The following GPAM variants were observed in gnomAD, a reference collection of about 807,000 sequenced individuals.
The protein encoded by GPAM is glycerol-3-phosphate acyltransferase 1, mitochondrial.
A neutral mutation model predicts 105.0 loss-of-function variants in GPAM; 56 were observed. The ratio of observed to expected loss-of-function variants is 0.53; its 90% CI spans 0.43 to 0.67. The LOEUF is 0.67. Ranked by LOEUF, GPAM falls within the 30% of genes least tolerant of loss-of-function variation. The probability of loss-of-function intolerance (pLI) is 0.00; values close to 1 mark genes in which losing one functional copy is unlikely to be tolerated. For synonymous variants in GPAM, 368 were observed against 354.4 expected (o/e 1.04, Z -0.43); for missense variants, 855 against 989.8 (o/e 0.86, Z 1.83).
intron 1 of GPAM, among the ~76,000 whole-genome samples, chr10:112,212,066 C>T (rs1436055107): frequency 6.6e-6 from 1 of 152,104 alleles, no homozygotes; most frequent in African/African-American, 2.4e-5. Context: ...CCCGTCTTGC[C>T]TAATCAGGCA....
chr10:112,207,469 T>C (rs1847864881), intron 1 of GPAM, among the ~76,000 whole-genome samples: 1 of 152,152 alleles, frequency 6.6e-6, no homozygotes, highest in African/African-American at 2.4e-5. Context: ...GAACACAGTG[T>C]CCCCTTAGAG....
Position 112,155,939 on chromosome 10 carries a change from C to T in GPAM, c.2236G>A (p.Val746Ile), listed in dbSNP as rs775588314. 2 of 1,612,394 alleles carry T rather than the reference C, an allele frequency of 1.2e-6. No individual in the cohort carries two copies. Among genetic ancestry groups the T allele is most frequent in the Non-Finnish European group, 1.7e-6 (2 of 1,178,468 alleles). ...AIFVHNFSGP[V>I]PEPEYLQKLH... The stretch of plus-strand genomic sequence containing the variant: ...TTTTGCAGATACTCAGGTTCTGGAA[C>T]AGGACCACTGAAGTTGTGAACAAAG... The change falls in exon 20 of 22, where the codon GTT (valine) becomes ATT (isoleucine). Residue 746 changes from valine to isoleucine, a missense_variant. Val to Ile is a conservative substitution (Grantham distance 29). Transcript: ENST00000348367.
In GPAM at chr10:112,179,871, C is replaced by T. The variant is rs527485945; in HGVS notation, c.225+602G>A. 2.0e-5 allele frequency among the ~76,000 whole-genome samples: 3 copies of T among 152,274 alleles called. No individual in the cohort carries two copies. In the East Asian group the frequency reaches 5.8e-4, roughly 29 times the overall value. ...CTAATTTGTCCTTCTCTTCAACTAC[C>T]ACCGAAAATATACCTCTCACCCACT... On this transcript the variant is annotated intron_variant, in intron 4 of 21. Transcript: ENST00000348367.
chr10:112,211,248 C>T (rs1368033237), intron 1 of GPAM, among the ~76,000 whole-genome samples: 2 of 152,178 alleles, frequency 1.3e-5, no homozygotes, highest in African/African-American at 2.4e-5. Context: ...AGCTTCTCTC[C>T]ACCAGCAGAA....
intron 1 of GPAM, among the ~76,000 whole-genome samples, chr10:112,210,542 G>C (rs1486177234): frequency 6.6e-6 from 1 of 152,238 alleles, no homozygotes; most frequent in Non-Finnish European, 1.5e-5. Context: ...GAAGGCAAGA[G>C]TGAGACCCCA....
intron 1 of GPAM, among the ~76,000 whole-genome samples, chr10:112,199,076 C>G (rs1223251345): frequency 6.8e-6 from 1 of 148,116 alleles, no homozygotes; most frequent in Non-Finnish European, 1.5e-5. Flanking sequence ...ACACACGCCG[C>G]CACGCCTGGC....
upstream of GPAM, among the ~76,000 whole-genome samples, chr10:112,215,936 T>A (rs1469301139): frequency 1.3e-5 from 2 of 152,142 alleles, no homozygotes; most frequent in Non-Finnish European, 2.9e-5. Flanking sequence ...GCTGCCACCC[T>A]CCCCTTTCAA....
intron 9 of GPAM, among the ~76,000 whole-genome samples, chr10:112,171,127 C>T (rs991087479): frequency 6.6e-6 from 1 of 152,168 alleles, no homozygotes; most frequent in Non-Finnish European, 1.5e-5. Context: ...ATGCTTTGTC[C>T]TTTCAGGTTT....
intron 13 of GPAM, 143 bp from the exon 14 acceptor site, chr10:112,163,959 T>C (rs758406897): frequency 1.5e-4 from 105 of 680,308 alleles, no homozygotes; most frequent in Middle Eastern, 2.8e-4. Context: ...CTATGGCTTA[T>C]TTTCCTCCAT....
chr10:112,151,825 GA>G lies in GPAM; in HGVS notation c.*1724del. The stretch of plus-strand genomic sequence containing the variant: ...CTGGGTATCCTCCAAATGTAGCCAA[GA>G]AAAGTGTTCTTCTACCCTAGTCAGT... On this transcript the variant is annotated 3_prime_UTR_variant, in exon 22 of 22. Transcript: ENST00000348367. 1 of 985,098 alleles carries G rather than the reference GA, an allele frequency of 1.0e-6. No individual in the cohort carries two copies. The highest frequency in any genetic ancestry group is 1.2e-6 in the Non-Finnish European group (1 of 829,656). The allele number at this position is 985,098 out of a possible 1,614,324, so 61.0% of individuals were successfully genotyped here.
intron 9 of GPAM, among the ~76,000 whole-genome samples, chr10:112,171,042 C>A (rs1267796684): frequency 6.6e-6 from 1 of 152,202 alleles, no homozygotes; most frequent in African/African-American, 2.4e-5. Context: ...AACCTGCCAG[C>A]CCACTTTCCT....
intron 1 of GPAM, among the ~76,000 whole-genome samples, chr10:112,194,522 T>C (rs1847700372): frequency 6.6e-6 from 1 of 152,232 alleles, no homozygotes; most frequent in Non-Finnish European, 1.5e-5. Context: ...TCTTAAAAGA[T>C]ACTGTCCAAG....
chr10:112,155,165 G>A (rs1846993716), intron 20 of GPAM: 3 of 186,690 alleles, frequency 1.6e-5, no homozygotes, highest in African/African-American at 2.4e-5. Flanking sequence ...GTGACCTGGG[G>A]TATTTTCCTC....
chr10:112,210,330 T>C (rs1275162500), intron 1 of GPAM, among the ~76,000 whole-genome samples: 1 of 152,240 alleles, frequency 6.6e-6, no homozygotes, highest in Non-Finnish European at 1.5e-5. Flanking sequence ...CAACTCTCTA[T>C]GACTCCACCA....
At chr10:112,204,747 A>C (rs1847840418) in intron 1 of GPAM, among the ~76,000 whole-genome samples, 1 of 151,272 alleles carries the variant, frequency 6.6e-6, no homozygotes. Flanking sequence ...TTCCCTTTGA[A>C]AACTGGCACA....
chr10:112,168,125 A>G (rs1847249964), intron 11 of GPAM, among the ~76,000 whole-genome samples, 187 bp downstream of exon 11: 2 of 152,204 alleles, frequency 1.3e-5, no homozygotes, highest in South Asian at 4.1e-4. Flanking sequence ...CCACATAAGC[A>G]CTACCAATCA....
chr10:112,155,675 AAGCC>A (rs1460519703), intron 20 of GPAM, 185 bp downstream of exon 20: 1 of 514,936 alleles, frequency 1.9e-6, no homozygotes, highest in Non-Finnish European at 3.4e-6. Flanking sequence ...TACGTGAAAA[AAGCC>A]AGATGTAAGA....
At chr10:112,177,894 T>G in intron 5 of GPAM, 90 bp downstream of exon 5, 1 of 733,918 alleles carries the variant, frequency 1.4e-6, no homozygotes, top group South Asian at 1.5e-5. Context: ...CTCTCAGTAA[T>G]GCAAAGCAAT....
Position 112,151,328 on chromosome 10 carries a change from T to C in GPAM, c.*2222A>G, listed in dbSNP as rs567858789. 52 of 985,828 alleles carry C rather than the reference T, an allele frequency of 5.3e-5. No homozygotes were observed. In the East Asian group the frequency reaches 2.3e-3, roughly 43 times the overall value. The allele number at this position is 985,828 out of a possible 1,614,324, so 61.1% of individuals were successfully genotyped here. A position where few individuals can be genotyped will look rare whatever the true frequency, so the allele number is the denominator to read the frequency against. On this transcript the variant is annotated 3_prime_UTR_variant, in exon 22 of 22. Transcript: ENST00000348367. The stretch of plus-strand genomic sequence containing the variant: ...TTCATTGTGAAGATGCTTTCGTTTT[T>C]TTGTTTTTTGTTTTCAGTCATGAGG...
Sources: allele counts gnomAD v4.1 joint callset (sites outside exome capture counted in the v4.1 genomes callset), GRCh38; gene constraint gnomAD v4.1.1; transcripts MANE v1.5; gene names NCBI Gene and HGNC (gene_info 2026-07-23, HGNC 2026-07-21).